ACTR3C: variants seen among roughly 807,000 people sequenced by gnomAD.
ACTR3C encodes the protein actin-related protein 3C.
Under a neutral mutation model 26.3 loss-of-function variants are expected in ACTR3C, and 18 were observed. That is an observed-to-expected ratio of 0.68 (90% CI 0.47 to 1.01). The LOEUF (loss-of-function observed/expected upper bound fraction) is 1.01, where lower values mean the gene tolerates loss of function less well. Ranked by LOEUF, ACTR3C falls within the 50% of genes least tolerant of loss-of-function variation. The probability of loss-of-function intolerance (pLI) is 0.00; values close to 1 mark genes in which losing one functional copy is unlikely to be tolerated. For missense variants in ACTR3C, 184 were observed against 250.7 expected (o/e 0.73, Z 1.80); for synonymous variants, 55 against 94.5 (o/e 0.58, Z 2.42).
At chr7:150,043,026 A>T in the ACTR3C span, among the ~76,000 whole-genome samples, 2,008 of 148,596 alleles carry the variant, frequency 0.014, 21 homozygotes, top group Admixed American at 0.014. Context: ...AATACTGCAA[A>T]GTTTGGGATC....
At chr7:149,924,462 C>T in the ACTR3C span, among the ~76,000 whole-genome samples, 2,104 of 152,252 alleles carry the variant, frequency 0.014, 51 homozygotes, top group African/African-American at 0.047. Context: ...AGAACTATCC[C>T]ACTAAAAATC....
chr7:149,970,133 T>C, the ACTR3C span, among the ~76,000 whole-genome samples: 1 of 152,196 alleles, frequency 6.6e-6, no homozygotes, highest in Non-Finnish European at 1.5e-5. Flanking sequence ...GCTAGGGGCC[T>C]CCTTCTTGGC....
At chr7:150,135,761 C>A in the ACTR3C span, among the ~76,000 whole-genome samples, 2 of 133,248 alleles carry the variant, frequency 1.5e-5, no homozygotes, top group Non-Finnish European at 3.1e-5. Context: ...AAAGTCTGAA[C>A]TCTGAGAGAA....
chr7:150,308,717 A>G (rs1443638535), intron 1 of ACTR3C, among the ~76,000 whole-genome samples: 1 of 151,822 alleles, frequency 6.6e-6, no homozygotes, highest in Non-Finnish European at 1.5e-5. Flanking sequence ...CCCCCACCTT[A>G]TAATTCTTCT....
chr7:150,185,279 G>GTA, the ACTR3C span, among the ~76,000 whole-genome samples: 1 of 50,522 alleles, frequency 2.0e-5, no homozygotes, highest in Non-Finnish European at 3.7e-5. Context: ...TGTCAGGCGT[G>GTA]TGTGTGTGTG....
chr7:150,263,000 T>C (rs1833760511), intron 6 of ACTR3C, among the ~76,000 whole-genome samples: 1 of 152,228 alleles, frequency 6.6e-6, no homozygotes, highest in Non-Finnish European at 1.5e-5. Context: ...GAAGACTTCC[T>C]AGCGGGTGTG....
chr7:149,912,643 C>A, the ACTR3C span, among the ~76,000 whole-genome samples: 1 of 151,864 alleles, frequency 6.6e-6, no homozygotes, highest in Non-Finnish European at 1.5e-5. Flanking sequence ...GCTGGAATTA[C>A]AGGCGCCTGC....
chr7:149,963,490 C>T, the ACTR3C span, among the ~76,000 whole-genome samples: 1 of 152,228 alleles, frequency 6.6e-6, no homozygotes, highest in East Asian at 1.9e-4. Context: ...TTTATCCCCT[C>T]TCTCCAGCTC....
chr7:150,193,090 T>C, the ACTR3C span, among the ~76,000 whole-genome samples: 414 of 152,314 alleles, frequency 2.7e-3, 2 homozygotes, highest in Non-Finnish European at 4.0e-3. Context: ...ACTTTGCTGA[T>C]GTGTCTTCCC....
At chr7:150,066,682 C>T in the ACTR3C span, among the ~76,000 whole-genome samples, 1 of 152,140 alleles carries the variant, frequency 6.6e-6, no homozygotes, top group Non-Finnish European at 1.5e-5. Flanking sequence ...TCTCAATGAG[C>T]CTTCCACCAA....
At chr7:149,987,324 G>T in the ACTR3C span, among the ~76,000 whole-genome samples, 1 of 151,680 alleles carries the variant, frequency 6.6e-6, no homozygotes, top group African/African-American at 2.4e-5. Context: ...CCAGCATTTT[G>T]GGAGGCTGAG....
chr7:150,043,676 ACTGGTC>A, the ACTR3C span, among the ~76,000 whole-genome samples: 1 of 152,234 alleles, frequency 6.6e-6, no homozygotes, highest in Non-Finnish European at 1.5e-5. Flanking sequence ...TACACCAAGC[ACTGGTC>A]CTATTGGTGA....
chr7:150,054,933 C>T, the ACTR3C span, among the ~76,000 whole-genome samples: 9 of 152,210 alleles, frequency 5.9e-5, no homozygotes, highest in South Asian at 2.1e-4. Context: ...ACACATTATC[C>T]GACTGATAAT....
At chr7:150,033,014 G>A in the ACTR3C span, among the ~76,000 whole-genome samples, 4 of 152,206 alleles carry the variant, frequency 2.6e-5, no homozygotes, top group South Asian at 6.2e-4. Flanking sequence ...AAGAGCTCTG[G>A]TCAGATGGCA....
At chr7:149,960,773 C>T in the ACTR3C span, among the ~76,000 whole-genome samples, 4 of 152,226 alleles carry the variant, frequency 2.6e-5, no homozygotes, top group South Asian at 2.1e-4. Flanking sequence ...TGGAGAAACA[C>T]GAGAGAGGTA....
intron 6 of ACTR3C, among the ~76,000 whole-genome samples, chr7:150,251,284 C>T (rs543407797): frequency 2.6e-5 from 4 of 152,194 alleles, no homozygotes; most frequent in African/African-American, 9.6e-5. Context: ...ATTCTGATTA[C>T]TTTATTGGTT....
At chr7:150,253,809 G>A (rs1001690359) in intron 6 of ACTR3C, among the ~76,000 whole-genome samples, 1 of 151,838 alleles carries the variant, frequency 6.6e-6, no homozygotes, top group African/African-American at 2.4e-5. Flanking sequence ...CCCTCTAACT[G>A]TGCAGATGTA....
At chr7:150,120,912 G>T in the ACTR3C span, among the ~76,000 whole-genome samples, 84 of 152,212 alleles carry the variant, frequency 5.5e-4, no homozygotes, top group African/African-American at 2.0e-3. Flanking sequence ...TTCAACTCTG[G>T]GATGTAAGGG....
At chr7:149,928,826 C>T in the ACTR3C span, among the ~76,000 whole-genome samples, 1 of 151,198 alleles carries the variant, frequency 6.6e-6, no homozygotes, top group East Asian at 2.0e-4. Flanking sequence ...CTGGGCAACA[C>T]AGCAAGACTC....
Sources: allele counts gnomAD v4.1 joint callset (sites outside exome capture counted in the v4.1 genomes callset), GRCh38; gene constraint gnomAD v4.1.1; transcripts MANE v1.5; gene names NCBI Gene and HGNC (gene_info 2026-07-23, HGNC 2026-07-21).